ERC2: variants seen among roughly 807,000 people sequenced by gnomAD.
ERC2 encodes ELKS/RAB6-interacting/CAST family member 2.
ERC2 carries 42 observed loss-of-function variants against 114.8 expected under a neutral mutation model. The ratio of observed to expected loss-of-function variants is 0.37; its 90% CI spans 0.29 to 0.47. ERC2 has a LOEUF of 0.47. Among genes scored for constraint, ERC2 ranks in the 20% least tolerant of loss-of-function variants. The pLI is 0.99. For missense variants in ERC2, 939 were observed against 1,150.7 expected (o/e 0.82, Z 2.66); for synonymous variants, 454 against 425.5 (o/e 1.07, Z -0.82).
chr3:55,657,044 C>A (rs1487048309), intron 17 of ERC2, among the ~76,000 whole-genome samples: 3 of 152,142 alleles, frequency 2.0e-5, no homozygotes, highest in Admixed American at 1.3e-4. Flanking sequence ...TCCCTCTCAT[C>A]TCCCCCTAGA....
At chr3:55,876,076 C>T (rs1276942980) in intron 14 of ERC2, among the ~76,000 whole-genome samples, 1 of 152,172 alleles carries the variant, frequency 6.6e-6, no homozygotes, top group Non-Finnish European at 1.5e-5. Flanking sequence ...ATTCATTTGA[C>T]AAACATTTAT....
intron 4 of ERC2, among the ~76,000 whole-genome samples, chr3:56,168,605 C>T (rs192967088): frequency 6.8e-4 from 104 of 152,254 alleles, no homozygotes; most frequent in African/African-American, 2.4e-3. Context: ...TGAACTCTCT[C>T]CCCTTTCCAG....
At chr3:56,349,313 T>C (rs535148069) in intron 2 of ERC2, among the ~76,000 whole-genome samples, 5 of 152,166 alleles carry the variant, frequency 3.3e-5, no homozygotes, top group Non-Finnish European at 5.9e-5. Context: ...GGAGAAGGCA[T>C]CATTTGAATA....
intron 17 of ERC2, among the ~76,000 whole-genome samples, chr3:55,570,716 C>T (rs2056657301): frequency 1.3e-5 from 2 of 152,202 alleles, no homozygotes; most frequent in Non-Finnish European, 2.9e-5. Context: ...CTTCCCTTTC[C>T]TTCCCCAACT....
At chr3:56,079,294 C>T (rs573324655) in intron 7 of ERC2, among the ~76,000 whole-genome samples, 1 of 152,218 alleles carries the variant, frequency 6.6e-6, no homozygotes, top group South Asian at 2.1e-4. Context: ...ATCTGATGTG[C>T]ACTTCACACT....
At chr3:55,544,301 C>G (rs2054595581) in intron 17 of ERC2, among the ~76,000 whole-genome samples, 1 of 152,180 alleles carries the variant, frequency 6.6e-6, no homozygotes. Flanking sequence ...GCTGTCCTCC[C>G]ACTCACACAT....
intron 14 of ERC2, among the ~76,000 whole-genome samples, chr3:55,748,622 G>C (rs1235138711): frequency 1.3e-5 from 2 of 152,196 alleles, no homozygotes; most frequent in Admixed American, 1.3e-4. Flanking sequence ...AGATATCCCT[G>C]AATCCTGTTT....
chr3:56,048,474 T>C (rs2075591399), intron 7 of ERC2, among the ~76,000 whole-genome samples: 1 of 152,214 alleles, frequency 6.6e-6, no homozygotes, highest in Non-Finnish European at 1.5e-5. Context: ...CTAATGTGAA[T>C]TGGCCAATAG....
chr3:55,749,586 T>C (rs569512371), intron 14 of ERC2, among the ~76,000 whole-genome samples: 18 of 152,226 alleles, frequency 1.2e-4, no homozygotes, highest in African/African-American at 4.3e-4. Context: ...CAGCGCTCTA[T>C]AAAACGCACC....
chr3:55,607,063 G>A (rs2058670019), intron 17 of ERC2: 1 of 152,364 alleles, frequency 6.6e-6, no homozygotes, highest in East Asian at 1.9e-4. Context: ...CAGTTCCTAG[G>A]ACACCCAGCA....
intron 3 of ERC2, among the ~76,000 whole-genome samples, chr3:56,277,540 TAG>T (rs2054082500): frequency 6.6e-6 from 1 of 152,140 alleles, no homozygotes; most frequent in Non-Finnish European, 1.5e-5. Context: ...CCTCATTCTT[TAG>T]GTTCTTAGAT....
chr3:56,101,119 T>C (rs1270892540), intron 6 of ERC2, among the ~76,000 whole-genome samples: 2 of 152,244 alleles, frequency 1.3e-5, no homozygotes, highest in Non-Finnish European at 1.5e-5. Context: ...TTTCATTGGA[T>C]AGAGTGATGT....
intron 4 of ERC2, among the ~76,000 whole-genome samples, chr3:56,172,409 A>C (rs1307806551): frequency 6.6e-6 from 1 of 152,190 alleles, no homozygotes; most frequent in Non-Finnish European, 1.5e-5. Flanking sequence ...CCCTACTCAG[A>C]TTGCACATGC....
chr3:55,751,000 T>A (rs1222064736), intron 14 of ERC2, among the ~76,000 whole-genome samples: 1 of 152,212 alleles, frequency 6.6e-6, no homozygotes, highest in African/African-American at 2.4e-5. Context: ...ATAGCTTAAT[T>A]AGGTTAGCAA....
At chr3:56,257,715 T>C (rs531250350) in intron 3 of ERC2, among the ~76,000 whole-genome samples, 2 of 152,334 alleles carry the variant, frequency 1.3e-5, no homozygotes, top group South Asian at 4.1e-4. Context: ...TCATATTTTC[T>C]TTTTTTAAAT....
chr3:56,087,626 G>A (rs2077572790), intron 6 of ERC2, among the ~76,000 whole-genome samples: 2 of 152,130 alleles, frequency 1.3e-5, no homozygotes, highest in Non-Finnish European at 2.9e-5. Context: ...GGAGAAAAAG[G>A]GGCCACTTGA....
At chr3:55,554,304 C>A (rs1360413307) in intron 17 of ERC2, among the ~76,000 whole-genome samples, 1 of 152,158 alleles carries the variant, frequency 6.6e-6, no homozygotes, top group East Asian at 1.9e-4. Context: ...TATGAAAAAA[C>A]CTCTTTGAGA....
chr3:56,181,422 T>A (rs1409791954), intron 3 of ERC2, among the ~76,000 whole-genome samples: 3 of 152,216 alleles, frequency 2.0e-5, no homozygotes, highest in Non-Finnish European at 4.4e-5. Flanking sequence ...GCTGCTTTCA[T>A]GCTGCAATGG....
intron 3 of ERC2, among the ~76,000 whole-genome samples, chr3:56,174,807 G>C (rs2082880038): frequency 6.6e-6 from 1 of 151,986 alleles, no homozygotes; most frequent in Non-Finnish European, 1.5e-5. Flanking sequence ...GTGAAACCCT[G>C]TCTCTACTAA....
Sources: gnomAD v4.1 joint callset for allele counts (sites outside exome capture counted in the v4.1 genomes callset) on GRCh38, gnomAD v4.1.1 for gene constraint, MANE v1.5 for transcripts, NCBI Gene and HGNC (gene_info 2026-07-23, HGNC 2026-07-21) for gene names.